The following MLXIP variants were observed in gnomAD, a reference collection of about 807,000 sequenced individuals.
MLXIP encodes MLX interacting protein.
Under a neutral mutation model 87.2 loss-of-function variants are expected in MLXIP, and 30 were observed. The ratio of observed to expected loss-of-function variants is 0.34; its 90% confidence interval spans 0.26 to 0.47. The LOEUF (loss-of-function observed/expected upper bound fraction) is 0.47. Among genes scored for constraint, MLXIP ranks in the 20% least tolerant of loss-of-function variants. The pLI is 1.00. For missense variants in MLXIP, 1,002 were observed against 1,240.1 expected, an observed-to-expected ratio of 0.81 and a Z score of 2.88; for synonymous variants, 530 against 514.0, an observed-to-expected ratio of 1.03 and a Z score of -0.42.
chr12:122,083,975 A>G (rs1432486537), intron 1 of MLXIP, among the ~76,000 whole-genome samples: 1 of 152,212 alleles, frequency 6.6e-6, no homozygotes. Context: ...GCGCCGTTGC[A>G]GGGTGTGCAC....
intron 1 of MLXIP, among the ~76,000 whole-genome samples, chr12:122,103,186 T>G (rs992804039): frequency 1.8e-5 from 1 of 55,906 alleles, no homozygotes; most frequent in Non-Finnish European, 3.2e-5. Flanking sequence ...TATGTATGTA[T>G]GTATGTATGT....
At chr12:122,086,886 G>T (rs1461732378) in intron 1 of MLXIP, among the ~76,000 whole-genome samples, 2 of 152,096 alleles carry the variant, frequency 1.3e-5, no homozygotes, top group Non-Finnish European at 2.9e-5. Context: ...ACTCTCACAG[G>T]CCAGCCCTGC....
intron 15 of MLXIP, among the ~76,000 whole-genome samples, chr12:122,140,531 T>C (rs1446854963): frequency 6.6e-6 from 1 of 152,098 alleles, no homozygotes; most frequent in Non-Finnish European, 1.5e-5. Flanking sequence ...TGACCTCAAG[T>C]GATTCACCCA....
At chr12:122,138,654 C>G (rs1953139738) in intron 14 of MLXIP, 103 bp downstream of exon 14, 1 of 1,505,070 alleles carries the variant, frequency 6.6e-7, no homozygotes, top group East Asian at 2.4e-5. Context: ...GTCAGTGCCT[C>G]TTTGCTGCAG....
At chr12:122,131,546 C>T (rs1434900446) in intron 7 of MLXIP, among the ~76,000 whole-genome samples, 1 of 146,006 alleles carries the variant, frequency 6.8e-6, no homozygotes, top group Non-Finnish European at 1.5e-5. Context: ...AACTCCTGGG[C>T]TCAAGCGATC....
At chr12:122,085,250 T>C (rs1008040761) in intron 1 of MLXIP, among the ~76,000 whole-genome samples, 1 of 151,554 alleles carries the variant, frequency 6.6e-6, no homozygotes, top group Non-Finnish European at 1.5e-5. Flanking sequence ...CCTGTGTCAT[T>C]ATGTGATCCC....
rs1450082234 is a variant in MLXIP, at chr12:122,113,065, T to G, written c.414-14191T>G. Among the ~76,000 whole-genome samples the G allele has an allele frequency of 2.6e-5, 4 of 152,306 alleles. No individual in the cohort carries two copies. The East Asian group carries it at 7.7e-4, about 29-fold the overall frequency. ...GAAACAGCACGTCTGTTAATATAAATGTATGTCTGTGGGGAAATGGTTAAG... is the reference window on the plus strand; with the variant it reads ...GAAACAGCACGTCTGTTAATATAAAGGTATGTCTGTGGGGAAATGGTTAAG... On this transcript the variant is annotated intron_variant, in intron 1 of 16. Transcript: ENST00000319080.
At chr12:122,128,966 C>A in intron 3 of MLXIP, 171 bp from the exon 4 acceptor site, 2 of 632,248 alleles carry the variant, frequency 3.2e-6, no homozygotes, top group Admixed American at 2.4e-5. Flanking sequence ...AGAGGGTCTG[C>A]TATAGCATGG....
Position 122,141,179 on chromosome 12 carries a change from G to GA in MLXIP, c.2638+96_2638+97insA. The GA allele has an allele frequency of 4.8e-6, 7 of 1,463,196 alleles. No individual in the cohort carries two copies. In the South Asian group the frequency reaches 9.5e-5, roughly 20 times the overall value. The allele number at this position is 1,463,196 out of a possible 1,614,324, so 90.6% of individuals were successfully genotyped here. ...CAGTATTAGCCAGACTCCACTGCAG[G>GA]CAGCCAGGTGGGGCCGGGGCAGGGG... On this transcript the variant is annotated intron_variant, in intron 16 of 16. Transcript: ENST00000319080.
At chr12:122,121,620 G>T (rs1333861488) in intron 1 of MLXIP, among the ~76,000 whole-genome samples, 1 of 151,960 alleles carries the variant, frequency 6.6e-6, no homozygotes, top group East Asian at 1.9e-4. Context: ...TCAGGAGTTC[G>T]TCCCAGCCAG....
chr12:122,103,979 T>C (rs979150002), intron 1 of MLXIP, among the ~76,000 whole-genome samples: 5 of 152,114 alleles, frequency 3.3e-5, no homozygotes, highest in Admixed American at 6.6e-5. Flanking sequence ...CTGGCCAAAT[T>C]GTACACTTCA....
chr12:122,095,734 TAA>T (rs1334020945), intron 1 of MLXIP, among the ~76,000 whole-genome samples: 1 of 152,054 alleles, frequency 6.6e-6, no homozygotes, highest in East Asian at 1.9e-4. Context: ...TAGGTAAAGC[TAA>T]AAGAAAGAAA....
intron 6 of MLXIP, among the ~76,000 whole-genome samples, chr12:122,130,401 C>T (rs554655942): frequency 2.0e-5 from 3 of 151,890 alleles, no homozygotes; most frequent in Non-Finnish European, 2.9e-5. Flanking sequence ...TTTCAGATAC[C>T]GTTCTCTTCA....
At chr12:122,136,544 A>G (rs1466626560) in intron 11 of MLXIP, 2 of 151,270 alleles carry the variant, frequency 1.3e-5, no homozygotes, top group Non-Finnish European at 2.9e-5. Context: ...TGGGAGAATC[A>G]CTTGAATCCA....
At chr12:122,107,947 C>T (rs939081968) in intron 1 of MLXIP, among the ~76,000 whole-genome samples, 6 of 152,108 alleles carry the variant, frequency 3.9e-5, no homozygotes, top group African/African-American at 1.4e-4. Context: ...CCCTGGCCGG[C>T]GGTGACTAGG....
At position 122,133,832 on chromosome 12, in the gene MLXIP, C is replaced by T; in HGVS notation, c.1577C>T (p.Ser526Phe). ...GCGGCCCCTTGTGGGCTGGCACTGT[C>T]TCCTGTCACCCGGCCTCCCCAGCCA... The part of the protein sequence containing the change: ...PSAAPCGLAL[S>F]PVTRPPQPRL... Residue 526 changes from serine to phenylalanine, a missense_variant, in exon 9 of 17, where the codon TCT (serine) becomes TTT (phenylalanine). Ser to Phe is a radical substitution (Grantham distance 155). This residue lies in a region of MLXIP where 746 missense variants were observed against 897.0 expected (regional missense o/e 0.83). Coordinates refer to ENST00000319080, the MANE Select transcript of MLXIP (RefSeq NM_014938.6). This position sits in a 1 kb window ranked among gnomAD's most constrained non-coding sequence, Gnocchi z 4.9. The T allele has an allele frequency of 3.7e-6, 6 of 1,613,126 alleles. No homozygotes were observed. The highest frequency in any genetic ancestry group is 5.1e-6 in the Non-Finnish European group (6 of 1,179,638).
chr12:122,096,865 A>G (rs1368808692), intron 1 of MLXIP, among the ~76,000 whole-genome samples: 1 of 152,202 alleles, frequency 6.6e-6, no homozygotes, highest in Non-Finnish European at 1.5e-5. Flanking sequence ...TCCAGGTGTG[A>G]GTCCCCCCAG....
chr12:122,085,221 GC>G (rs776150153), intron 1 of MLXIP, among the ~76,000 whole-genome samples: 1 of 152,028 alleles, frequency 6.6e-6, no homozygotes, highest in Non-Finnish European at 1.5e-5. Flanking sequence ...CCCCTGGAAG[GC>G]ACCCTGATGT....
At chr12:122,094,959 G>A (rs1331407980) in intron 1 of MLXIP, among the ~76,000 whole-genome samples, 1 of 150,048 alleles carries the variant, frequency 6.7e-6, no homozygotes, top group Admixed American at 6.6e-5. Context: ...ATTGGTGTGT[G>A]TTGGTGTGTT....
Sources: gnomAD v4.1 joint callset for allele counts (sites outside exome capture counted in the v4.1 genomes callset) on GRCh38, gnomAD v4.1.1 for gene constraint, gnomAD v4.1.1 regional missense constraint, Gnocchi (gnomAD v3.1) non-coding constraint, MANE v1.5 for transcripts, NCBI Gene and HGNC (gene_info 2026-07-23, HGNC 2026-07-21) for gene names.